The following SLC35F3 variants were observed in gnomAD, a reference collection of about 807,000 sequenced individuals.
SLC35F3 encodes putative thiamine transporter SLC35F3.
In SLC35F3, 25 loss-of-function variants were observed where a neutral mutation model predicts 49.9. The ratio of observed to expected loss-of-function variants is 0.50; its 90% CI spans 0.37 to 0.70. SLC35F3 has a LOEUF of 0.70. SLC35F3 is among the 30% of genes least tolerant of loss of function. The probability of loss-of-function intolerance (pLI) is 0.00; values close to 1 mark genes in which losing one functional copy is unlikely to be tolerated. For missense variants in SLC35F3, 525 were observed against 639.8 expected (o/e 0.82, Z 1.94); for synonymous variants, 275 against 265.4 (o/e 1.04, Z -0.35).
intron 2 of SLC35F3, among the ~76,000 whole-genome samples, chr1:234,206,719 C>T (rs1666976079): frequency 6.6e-6 from 1 of 152,154 alleles, no homozygotes; most frequent in Non-Finnish European, 1.5e-5. Flanking sequence ...CAAAGCAAGC[C>T]AGAACATGAT....
At chr1:234,054,280 T>C (rs1204379759) in intron 2 of SLC35F3, among the ~76,000 whole-genome samples, 2 of 152,212 alleles carry the variant, frequency 1.3e-5, no homozygotes, top group Non-Finnish European at 1.5e-5. Context: ...AGGTACACCA[T>C]TCAGACGTAG....
intron 2 of SLC35F3, among the ~76,000 whole-genome samples, chr1:234,180,621 T>C (rs973727683): frequency 6.6e-6 from 1 of 152,198 alleles, no homozygotes. Flanking sequence ...GTTGTAGTCT[T>C]GGGGACTTCA....
At chr1:234,140,152 C>A (rs1665888259) in intron 2 of SLC35F3, among the ~76,000 whole-genome samples, 1 of 151,676 alleles carries the variant, frequency 6.6e-6, no homozygotes, top group South Asian at 2.1e-4. Context: ...TGGCAGAGAT[C>A]CTCTCGCACT....
intron 2 of SLC35F3, among the ~76,000 whole-genome samples, chr1:233,920,542 G>A (rs1281644568): frequency 5.9e-5 from 9 of 152,218 alleles, no homozygotes; most frequent in Non-Finnish European, 1.3e-4. Flanking sequence ...TGTCCTGACG[G>A]ACAAACTCTA....
At chr1:234,175,664 A>AAG (rs1321783471) in intron 2 of SLC35F3, among the ~76,000 whole-genome samples, 3 of 128,636 alleles carry the variant, frequency 2.3e-5, no homozygotes, top group African/African-American at 4.5e-5. Context: ...CCCTGTCTCA[A>AAG]AAAAAAAAAA....
chr1:233,953,229 A>G (rs1259237969), intron 2 of SLC35F3, among the ~76,000 whole-genome samples: 1 of 152,226 alleles, frequency 6.6e-6, no homozygotes, highest in African/African-American at 2.4e-5. Context: ...AAAAGATACA[A>G]AAACATTAAG....
chr1:234,062,213 C>T (rs994452894), intron 2 of SLC35F3, among the ~76,000 whole-genome samples: 16 of 152,176 alleles, frequency 1.1e-4, no homozygotes, highest in Non-Finnish European at 1.5e-4. Context: ...TGTTCTTTCT[C>T]GTTATAGCTC....
intron 2 of SLC35F3, among the ~76,000 whole-genome samples, chr1:234,043,317 A>G (rs912254620): frequency 3.3e-5 from 5 of 152,234 alleles, no homozygotes; most frequent in African/African-American, 1.2e-4. Context: ...GTTAATGCTC[A>G]TTATAACTAT....
At chr1:234,154,122 G>A (rs936645876) in intron 2 of SLC35F3, among the ~76,000 whole-genome samples, 2 of 152,098 alleles carry the variant, frequency 1.3e-5, no homozygotes, top group Non-Finnish European at 2.9e-5. Flanking sequence ...TGTAGTCCCA[G>A]CTACTTAGGA....
In SLC35F3 at chr1:234,189,061, C is replaced by G. The variant is rs1447570325; in HGVS notation, c.284-42356C>G. 2.6e-5 allele frequency among the ~76,000 whole-genome samples: 4 copies of G among 152,138 alleles called. No individual in the cohort carries two copies. The South Asian group carries it at 6.2e-4, about 24-fold the overall frequency. On this transcript the variant is annotated intron_variant, in intron 2 of 7. Transcript: ENST00000366618. Reference sequence around the variant, plus strand: ...TGGGACAAAAGAATCTGAACAGCAGCCTTGAGCCCCAGATCTTCCCTCTGA... The same window carrying G: ...TGGGACAAAAGAATCTGAACAGCAGGCTTGAGCCCCAGATCTTCCCTCTGA...
rs548863777 is a variant in SLC35F3 at position 233,927,960 on chromosome 1, A to G, written c.283+22202A>G. 2.0e-5 allele frequency among the ~76,000 whole-genome samples: 3 copies of G among 152,300 alleles called. No homozygotes were observed. In the East Asian group the frequency reaches 5.8e-4, roughly 29 times the overall value. On this transcript the variant is annotated intron_variant, in intron 2 of 7. Coordinates refer to ENST00000366618, the MANE Select transcript of SLC35F3 (RefSeq NM_173508.4). ...TGAAAATCATATCTTATAACTTTCA[A>G]ATTTATTATGGAAAAGATTCAGAAT...
intron 3 of SLC35F3, among the ~76,000 whole-genome samples, chr1:234,232,282 T>C (rs1054780881): frequency 1.3e-5 from 2 of 152,028 alleles, no homozygotes; most frequent in African/African-American, 4.8e-5. Flanking sequence ...TGGACTTTGT[T>C]GACTATATTT....
intron 2 of SLC35F3, among the ~76,000 whole-genome samples, chr1:233,926,790 T>A (rs568576446): frequency 6.6e-6 from 1 of 152,340 alleles, no homozygotes; most frequent in African/African-American, 2.4e-5. Flanking sequence ...CTTTGGTCTT[T>A]GATGATGGCG....
chr1:233,910,916 C>G (rs1661863863), intron 2 of SLC35F3, among the ~76,000 whole-genome samples: 2 of 152,294 alleles, frequency 1.3e-5, no homozygotes, highest in East Asian at 1.9e-4. Context: ...CCAACTGTCT[C>G]TAGCCCACTC....
chr1:233,943,071 A>T (rs1220975919), intron 2 of SLC35F3, among the ~76,000 whole-genome samples: 2 of 152,252 alleles, frequency 1.3e-5, no homozygotes, highest in African/African-American at 4.8e-5. Context: ...AAACCAACCC[A>T]GTGTTCATTG....
intron 3 of SLC35F3, among the ~76,000 whole-genome samples, chr1:234,243,025 G>A (rs1215344147): frequency 6.6e-6 from 1 of 152,148 alleles, no homozygotes; most frequent in Non-Finnish European, 1.5e-5. Flanking sequence ...GGGGAGTAGG[G>A]GGAATGGGTC....
intron 3 of SLC35F3, among the ~76,000 whole-genome samples, chr1:234,284,735 G>T (rs1002342293): frequency 1.3e-5 from 2 of 152,166 alleles, no homozygotes; most frequent in African/African-American, 4.8e-5. Context: ...CAGGTAACTC[G>T]TTCTGAATGA....
chr1:234,137,338 C>T (rs1665826232), intron 2 of SLC35F3, among the ~76,000 whole-genome samples: 1 of 152,156 alleles, frequency 6.6e-6, no homozygotes, highest in Non-Finnish European at 1.5e-5. Context: ...GTGGGCAAGC[C>T]TGAGAGGCAA....
At chr1:233,939,462 A>C (rs1267194407) in intron 2 of SLC35F3, among the ~76,000 whole-genome samples, 2 of 152,080 alleles carry the variant, frequency 1.3e-5, no homozygotes, top group African/African-American at 4.8e-5. Context: ...CTCCGAAAAG[A>C]AAAAAAATTG....
Sources: gnomAD v4.1 joint callset for allele counts (sites outside exome capture counted in the v4.1 genomes callset) on GRCh38, gnomAD v4.1.1 for gene constraint, MANE v1.5 for transcripts, NCBI Gene and HGNC (gene_info 2026-07-23, HGNC 2026-07-21) for gene names.